Variants in WWOX observed in about 807,000 individuals in gnomAD.
WWOX encodes WW domain-containing oxidoreductase.
In WWOX, 69 loss-of-function variants were observed where a neutral mutation model predicts 46.2. The ratio of observed to expected loss-of-function variants is 1.49; its 90% confidence interval spans 1.23 to 1.82. WWOX has a LOEUF of 1.82. Among genes scored for constraint, WWOX ranks in the 40% most tolerant of loss-of-function variants. The pLI is 0.00. For missense variants in WWOX, 919 were observed against 542.6 expected (o/e 1.69, Z -6.89); for synonymous variants, 359 against 202.6 (o/e 1.77, Z -6.56).
At chr16:78,229,222 T>A (rs374581842) in intron 5 of WWOX, among the ~76,000 whole-genome samples, 13 of 149,986 alleles carry the variant, frequency 8.7e-5, no homozygotes, top group African/African-American at 2.7e-4. Flanking sequence ...AAGGACTTTA[T>A]AAATATTTTG....
At chr16:78,780,018 A>G (rs748537842) in intron 8 of WWOX, among the ~76,000 whole-genome samples, 6 of 152,184 alleles carry the variant, frequency 3.9e-5, no homozygotes, top group Admixed American at 1.3e-4. Flanking sequence ...AACATAGTCA[A>G]TGGCAGTACC....
intron 5 of WWOX, among the ~76,000 whole-genome samples, chr16:78,327,065 C>G (rs2080640677): frequency 6.6e-6 from 1 of 152,150 alleles, no homozygotes; most frequent in African/African-American, 2.4e-5. Flanking sequence ...GCACTGCCCC[C>G]CAGGAGCATC....
At chr16:78,147,536 A>C (rs2034240177) in intron 4 of WWOX, among the ~76,000 whole-genome samples, 1 of 152,192 alleles carries the variant, frequency 6.6e-6, no homozygotes, top group Non-Finnish European at 1.5e-5. Flanking sequence ...AATTTTCCCA[A>C]CATTGTGTTT....
chr16:78,600,358 G>C (rs1281695873), intron 8 of WWOX, among the ~76,000 whole-genome samples: 1 of 152,074 alleles, frequency 6.6e-6, no homozygotes, highest in African/African-American at 2.4e-5. Context: ...CTGGAGGGGG[G>C]GCCCCAGATG....
At chr16:78,355,327 G>A (rs1366860118) in intron 5 of WWOX, among the ~76,000 whole-genome samples, 1 of 152,184 alleles carries the variant, frequency 6.6e-6, no homozygotes, top group Non-Finnish European at 1.5e-5. Context: ...ATGGTGCTGG[G>A]CGCAGTGGCT....
At chr16:78,947,703 G>C (rs2045976728) in intron 8 of WWOX, among the ~76,000 whole-genome samples, 1 of 152,106 alleles carries the variant, frequency 6.6e-6, no homozygotes, top group East Asian at 1.9e-4. Flanking sequence ...CCCTCACTTA[G>C]CCCCTTCAGA....
At chr16:78,788,418 T>A (rs932186552) in intron 8 of WWOX, among the ~76,000 whole-genome samples, 49 of 152,202 alleles carry the variant, frequency 3.2e-4, no homozygotes, top group Admixed American at 2.2e-3. Flanking sequence ...CCTTTTTGAT[T>A]GTGAGTCTTC....
intron 8 of WWOX, among the ~76,000 whole-genome samples, chr16:79,158,460 G>A (rs1466392620): frequency 6.6e-6 from 1 of 151,906 alleles, no homozygotes; most frequent in Non-Finnish European, 1.5e-5. Flanking sequence ...GTTTAACTCT[G>A]CTTTAAACCC....
At chr16:78,917,141 A>G (rs560084802) in intron 8 of WWOX, among the ~76,000 whole-genome samples, 17 of 152,326 alleles carry the variant, frequency 1.1e-4, no homozygotes, top group African/African-American at 4.1e-4. Flanking sequence ...CTGGGACAAC[A>G]TGCCCACTCT....
At chr16:78,989,829 TGTGTGTGTG>T (rs1567464298) in intron 8 of WWOX, among the ~76,000 whole-genome samples, 1 of 150,322 alleles carries the variant, frequency 6.7e-6, no homozygotes, top group Non-Finnish European at 1.5e-5. Flanking sequence ...AGCGTGTGTG[TGTGTGTGTG>T]TGTGTGTGTG....
intron 8 of WWOX, among the ~76,000 whole-genome samples, chr16:78,673,933 GGGTGTA>G (rs1239149364): frequency 6.6e-6 from 1 of 152,092 alleles, no homozygotes; most frequent in African/African-American, 2.4e-5. Context: ...TGAGTTATGA[GGGTGTA>G]TTACTGAGCA....
chr16:78,646,193 T>C (rs1258706347), intron 8 of WWOX, among the ~76,000 whole-genome samples: 3 of 152,124 alleles, frequency 2.0e-5, no homozygotes, highest in Non-Finnish European at 4.4e-5. Context: ...TTTGATTTGG[T>C]TGTTTTTGGT....
chr16:78,599,616 A>G (rs149178025), intron 8 of WWOX, among the ~76,000 whole-genome samples: 380 of 152,336 alleles, frequency 2.5e-3, no homozygotes, highest in East Asian at 0.015. Flanking sequence ...AAATGCAGCA[A>G]AACCCAGGCC....
intron 8 of WWOX, chr16:78,825,525 ATTGTAGAGC>A: frequency 1.9e-6 from 1 of 517,622 alleles, no homozygotes; most frequent in Non-Finnish European, 3.9e-6. Flanking sequence ...CCCACAGGGC[ATTGTAGAGC>A]TTTATGCTGA....
At chr16:78,622,109 A>C (rs2046203831) in intron 8 of WWOX, among the ~76,000 whole-genome samples, 1 of 152,198 alleles carries the variant, frequency 6.6e-6, no homozygotes, top group Non-Finnish European at 1.5e-5. Context: ...CCTGGGCAGC[A>C]GATAATTTTA....
intron 8 of WWOX, among the ~76,000 whole-genome samples, chr16:79,141,432 A>C (rs919620042): frequency 1.3e-5 from 2 of 152,188 alleles, no homozygotes; most frequent in Non-Finnish European, 2.9e-5. Flanking sequence ...TTGGCAAAAT[A>C]AACTTTCTAA....
chr16:78,388,510 AGTG>A (rs1467560693), intron 6 of WWOX, among the ~76,000 whole-genome samples: 2 of 152,086 alleles, frequency 1.3e-5, no homozygotes, highest in East Asian at 1.9e-4. Flanking sequence ...AGCTGGGTGT[AGTG>A]GTGCACACCT....
At chr16:78,622,916 G>A (rs1182790473) in intron 8 of WWOX, among the ~76,000 whole-genome samples, 1 of 152,094 alleles carries the variant, frequency 6.6e-6, no homozygotes, top group Non-Finnish European at 1.5e-5. Flanking sequence ...TCCATTGCTG[G>A]CTTTGAAAAA....
chr16:79,050,291 C>A (rs1412130698), intron 8 of WWOX, among the ~76,000 whole-genome samples: 1 of 152,194 alleles, frequency 6.6e-6, no homozygotes, highest in East Asian at 1.9e-4. Context: ...ATCAGCTGGG[C>A]TTTCTGCCCT....
Sources: gnomAD v4.1 joint callset for allele counts (sites outside exome capture counted in the v4.1 genomes callset) on GRCh38, gnomAD v4.1.1 for gene constraint, MANE v1.5 for transcripts, NCBI Gene and HGNC (gene_info 2026-07-23, HGNC 2026-07-21) for gene names.